Variants in PRUNE2 observed in about 807,000 individuals in gnomAD.
The protein encoded by PRUNE2 is prune homolog 2 with BCH domain, also known as protein prune homolog 2.
A neutral mutation model predicts 252.0 loss-of-function variants in PRUNE2; 164 were observed. The observed-to-expected ratio is 0.65, with a 90% CI of 0.57 to 0.74. The LOEUF is 0.74. PRUNE2 is among the 30% of genes least tolerant of loss of function. PRUNE2 has a pLI of 0.00. For synonymous variants in PRUNE2, 1,292 were observed against 1,350.2 expected, an observed-to-expected ratio of 0.96 and a Z score of 0.94; for missense variants, 3,495 against 3,711.0, an observed-to-expected ratio of 0.94 and a Z score of 1.51.
At chr9:76,838,007 G>A (rs188801249) in intron 4 of PRUNE2, among the ~76,000 whole-genome samples, 5,565 of 151,926 alleles carry the variant, frequency 0.037, 231 homozygotes, top group African/African-American at 0.092. Context: ...TCCTGACCTC[G>A]TGATCTGCCC....
intron 6 of PRUNE2, among the ~76,000 whole-genome samples, chr9:76,803,964 C>T (rs1241343731): frequency 6.6e-6 from 1 of 152,140 alleles, no homozygotes; most frequent in Non-Finnish European, 1.5e-5. Flanking sequence ...CATTTCCTAG[C>T]GCTTGGGAAG....
intron 9 of PRUNE2, among the ~76,000 whole-genome samples, chr9:76,668,360 T>C (rs1389173144): frequency 6.6e-6 from 1 of 152,208 alleles, no homozygotes; most frequent in East Asian, 1.9e-4. Context: ...CTATGCTGAA[T>C]CTTCCTTCCC....
chr9:76,722,112 G>A (rs971061241), intron 6 of PRUNE2, among the ~76,000 whole-genome samples: 1 of 152,094 alleles, frequency 6.6e-6, no homozygotes, highest in Non-Finnish European at 1.5e-5. Flanking sequence ...AGGCTGGAGT[G>A]CAGTGGTGTG....
At chr9:76,684,388 G>A (rs1343667023) in intron 9 of PRUNE2, among the ~76,000 whole-genome samples, 1 of 152,118 alleles carries the variant, frequency 6.6e-6, no homozygotes, top group East Asian at 1.9e-4. Flanking sequence ...AAGGGAGCAG[G>A]GAGAGGAGGA....
At chr9:76,714,052 T>C (rs1295417809) in intron 6 of PRUNE2, among the ~76,000 whole-genome samples, 1 of 152,246 alleles carries the variant, frequency 6.6e-6, no homozygotes, top group Non-Finnish European at 1.5e-5. Flanking sequence ...TTGTCGCTTA[T>C]AGGATCTATA....
At chr9:76,815,551 T>A (rs2057638641) in intron 6 of PRUNE2, among the ~76,000 whole-genome samples, 1 of 152,156 alleles carries the variant, frequency 6.6e-6, no homozygotes, top group South Asian at 2.1e-4. Flanking sequence ...CATGATCCAA[T>A]CACCTCCCTA....
At chr9:76,811,528 T>C (rs778146189) in intron 6 of PRUNE2, among the ~76,000 whole-genome samples, 2 of 152,184 alleles carry the variant, frequency 1.3e-5, no homozygotes, top group Admixed American at 6.5e-5. Flanking sequence ...GGTGCTGAAC[T>C]CTGCCAGTGT....
chr9:76,775,113 C>T (rs572695143), intron 6 of PRUNE2, among the ~76,000 whole-genome samples: 2 of 152,178 alleles, frequency 1.3e-5, no homozygotes, highest in African/African-American at 4.8e-5. Flanking sequence ...CCGAATAGGA[C>T]CAGACAGAAA....
chr9:76,712,985 A>G (rs970574448), intron 7 of PRUNE2, among the ~76,000 whole-genome samples: 1 of 152,198 alleles, frequency 6.6e-6, no homozygotes, highest in Middle Eastern at 3.2e-3. Context: ...TGTGGCTCCT[A>G]TTATAATGAA....
chr9:76,615,227 A>G (rs1587594017), intron 18 of PRUNE2: 2 of 985,472 alleles, frequency 2.0e-6, no homozygotes, highest in East Asian at 1.1e-4. Context: ...TAGTGAACAC[A>G]GCACAACTTC....
chr9:76,644,196 TTGAC>T (rs1259031739), intron 12 of PRUNE2, among the ~76,000 whole-genome samples: 1 of 152,118 alleles, frequency 6.6e-6, no homozygotes, highest in Non-Finnish European at 1.5e-5. Context: ...GGTGGAGGCT[TTGAC>T]TGGGGTTGGC....
At chr9:76,737,301 A>T (rs2049161977) in intron 6 of PRUNE2, 1 of 152,218 alleles carries the variant, frequency 6.6e-6, no homozygotes, top group Non-Finnish European at 1.5e-5. Flanking sequence ...TCTTGAGACA[A>T]GCACAGATGA....
chr9:76,802,909 A>G (rs778063593), intron 6 of PRUNE2, among the ~76,000 whole-genome samples: 1 of 152,172 alleles, frequency 6.6e-6, no homozygotes, highest in East Asian at 1.9e-4. Context: ...TCATGCTGAC[A>G]TCGACACACT....
chr9:76,770,705 C>A (rs60703680), intron 6 of PRUNE2, among the ~76,000 whole-genome samples: 7,921 of 152,182 alleles, frequency 0.052, 250 homozygotes, highest in East Asian at 0.088. Context: ...ATGATATTTT[C>A]TTTAAAGTTT....
At chr9:76,713,000 G>A (rs145639146) in intron 7 of PRUNE2, among the ~76,000 whole-genome samples, 1 of 152,220 alleles carries the variant, frequency 6.6e-6, no homozygotes, top group African/African-American at 2.4e-5. Context: ...AATGAATCAT[G>A]TATGTTCTCA....
chr9:76,885,412 T>TG (rs2062029986), intron 1 of PRUNE2, among the ~76,000 whole-genome samples: 1 of 152,166 alleles, frequency 6.6e-6, no homozygotes, highest in Admixed American at 6.5e-5. Flanking sequence ...AGGTGAGATC[T>TG]TGCCCAGGGA....
intron 9 of PRUNE2, among the ~76,000 whole-genome samples, chr9:76,669,521 T>A (rs887752557): frequency 2.0e-5 from 3 of 152,118 alleles, no homozygotes; most frequent in Admixed American, 6.5e-5. Flanking sequence ...GTTTTCACCA[T>A]GTTGCCCAGG....
At position 76,709,437 on chromosome 9, in the gene PRUNE2, CA is replaced by C; in HGVS notation, c.2836del (p.Cys946ValfsTer9). On this transcript the variant is annotated frameshift_variant, in exon 8 of 19. Transcript: ENST00000376718. LOFTEE classifies it high-confidence loss of function. ...TAGGTTGGATGCACTGTAATCAGAA[CA>C]TTTGTAAGATAAGAAGGAATCTTCC... ...PWEDSFLSYK[C>X]SDYSASNLGE... The C allele has an allele frequency of 6.2e-7, 1 of 1,613,970 alleles. No individual in the cohort carries two copies. Among genetic ancestry groups the C allele is most frequent in the Non-Finnish European group, 8.5e-7 (1 of 1,179,854 alleles).
At position 76,707,133 on chromosome 9, in the gene PRUNE2, G is replaced by C. The variant is rs1259198884; in HGVS notation, c.5141C>G (p.Ser1714Cys). The C allele has an allele frequency of 1.2e-6, 2 of 1,613,916 alleles. No homozygotes were observed. The highest frequency in any genetic ancestry group is 2.2e-5 in the East Asian group (1 of 44,880). The change falls in exon 8 of 19, where the codon TCC (serine) becomes TGC (cysteine). Residue 1714 changes from serine to cysteine, a missense_variant. By Grantham distance (112) the Ser-to-Cys change is moderately radical. Coordinates refer to ENST00000376718, the MANE Select transcript of PRUNE2 (RefSeq NM_015225.3). ...TTCATTCAATGAATCCCAAGCTCTGGATTCATCCTCAGCAACGTGGCAGTT... is the reference window on the plus strand; with the variant it reads ...TTCATTCAATGAATCCCAAGCTCTGCATTCATCCTCAGCAACGTGGCAGTT... The part of the protein sequence containing the change: ...VANCHVAEDE[S>C]RAWDSLNESN...
Sources: allele counts gnomAD v4.1 joint callset (sites outside exome capture counted in the v4.1 genomes callset), GRCh38; gene constraint gnomAD v4.1.1; transcripts MANE v1.5; gene names NCBI Gene and HGNC (gene_info 2026-07-23, HGNC 2026-07-21).